Variants in ROBO2 observed in about 807,000 individuals in gnomAD.
The protein encoded by ROBO2 is roundabout guidance receptor 2.
A neutral mutation model predicts 160.8 loss-of-function variants in ROBO2; 53 were observed. The observed-to-expected ratio is 0.33, with a 90% CI of 0.26 to 0.41. ROBO2 has a LOEUF of 0.41. ROBO2 is among the 10% of genes least tolerant of loss of function. The pLI, the probability that ROBO2 is intolerant of heterozygous loss-of-function variation, is 1.00. For synonymous variants in ROBO2, 664 were observed against 611.7 expected, an observed-to-expected ratio of 1.09 and a Z score of -1.26; for missense variants, 1,577 against 1,722.4, an observed-to-expected ratio of 0.92 and a Z score of 1.49.
chr3:76,653,035 G>A (rs2121791), intron 2 of ROBO2, among the ~76,000 whole-genome samples: 66,413 of 151,738 alleles, frequency 0.44, 14,860 homozygotes, highest in South Asian at 0.53. Flanking sequence ...TCATTATTCA[G>A]TAGCCCTATA....
At chr3:76,224,227 A>G (rs573860981) in intron 2 of ROBO2, among the ~76,000 whole-genome samples, 1 of 152,344 alleles carries the variant, frequency 6.6e-6, no homozygotes, top group East Asian at 1.9e-4. Context: ...TATTGGATTG[A>G]TATAACATCT....
chr3:76,129,886 C>A (rs540540916), intron 2 of ROBO2, among the ~76,000 whole-genome samples: 2 of 152,060 alleles, frequency 1.3e-5, no homozygotes, highest in Admixed American at 6.6e-5. Context: ...AACTCTAGAT[C>A]ATTTTGATAT....
intron 1 of ROBO2, among the ~76,000 whole-genome samples, chr3:77,054,278 A>ATAT (rs2065502610): frequency 6.6e-6 from 1 of 152,174 alleles, no homozygotes; most frequent in Admixed American, 6.6e-5. Context: ...TTTGTGTTTT[A>ATAT]GTTCATTTTA....
intron 2 of ROBO2, among the ~76,000 whole-genome samples, chr3:77,110,851 G>A (rs2073485508): frequency 6.6e-6 from 1 of 151,812 alleles, no homozygotes. Context: ...GTGTCACCAA[G>A]CCCAGCCAAT....
intron 2 of ROBO2, among the ~76,000 whole-genome samples, chr3:77,426,608 C>CTGTGTGTGTG (rs9309768): frequency 0.011 from 1,501 of 140,628 alleles, 14 homozygotes; most frequent in Middle Eastern, 0.029. Flanking sequence ...ATGTGTGTGT[C>CTGTGTGTGTG]TGTGTGTGTG....
intron 2 of ROBO2, among the ~76,000 whole-genome samples, chr3:76,453,334 A>G (rs112991655): frequency 0.046 from 7,037 of 152,244 alleles, 493 homozygotes; most frequent in African/African-American, 0.15. Context: ...TCTTTAATCC[A>G]TCTTGAATTA....
intron 2 of ROBO2, among the ~76,000 whole-genome samples, chr3:77,207,052 A>G (rs73099973): frequency 6.7e-4 from 102 of 152,344 alleles, no homozygotes; most frequent in Non-Finnish European, 1.2e-3. Context: ...ACTACAAATA[A>G]AGAATATAGT....
chr3:77,648,063 C>A (rs186950654), exon 26 of ROBO2: 1 of 152,272 alleles, frequency 6.6e-6, no homozygotes, highest in Non-Finnish European at 1.5e-5. Flanking sequence ...CCTTTATCAA[C>A]TTTCTACCAT....
intron 2 of ROBO2, among the ~76,000 whole-genome samples, chr3:77,131,697 A>G (rs2150356131): frequency 6.6e-6 from 1 of 152,266 alleles, no homozygotes; most frequent in Non-Finnish European, 1.5e-5. Context: ...AAAAACCTAT[A>G]CCACATATGA....
intron 2 of ROBO2, among the ~76,000 whole-genome samples, chr3:76,158,226 A>T (rs1460390384): frequency 6.6e-6 from 1 of 151,990 alleles, no homozygotes; most frequent in East Asian, 1.9e-4. Context: ...CCATCTATCA[A>T]ACCAGCTACC....
At chr3:75,947,393 G>A (rs1948350805) in intron 2 of ROBO2, among the ~76,000 whole-genome samples, 1 of 152,032 alleles carries the variant, frequency 6.6e-6, no homozygotes. Flanking sequence ...CTGGCCTGCT[G>A]CCTGTTTTTG....
intron 2 of ROBO2, among the ~76,000 whole-genome samples, chr3:76,802,477 C>G (rs1279633726): frequency 6.6e-6 from 1 of 151,976 alleles, no homozygotes; most frequent in Admixed American, 6.6e-5. Context: ...GCCTGTGATC[C>G]CAGCACTTTG....
At chr3:77,504,954 A>G (rs1241913930) in intron 5 of ROBO2, among the ~76,000 whole-genome samples, 1 of 152,214 alleles carries the variant, frequency 6.6e-6, no homozygotes, top group Non-Finnish European at 1.5e-5. Context: ...GGCTATTTCA[A>G]AAGAACGAAG....
chr3:77,059,742 T>TGA, intron 1 of ROBO2, among the ~76,000 whole-genome samples: 1 of 152,298 alleles, frequency 6.6e-6, no homozygotes, highest in South Asian at 2.1e-4. Flanking sequence ...GGCATAAGCA[T>TGA]CACTCTCTGT....
chr3:77,210,447 T>TA (rs1172294829), intron 2 of ROBO2, among the ~76,000 whole-genome samples: 2 of 152,134 alleles, frequency 1.3e-5, no homozygotes, highest in Non-Finnish European at 2.9e-5. Context: ...CATATAACAA[T>TA]ACAATATACC....
intron 2 of ROBO2, among the ~76,000 whole-genome samples, chr3:76,343,833 T>C (rs1044786936): frequency 1.3e-5 from 2 of 151,990 alleles, no homozygotes; most frequent in African/African-American, 4.8e-5. Flanking sequence ...TCCAAAGATA[T>C]TTGGTGAGGA....
intron 2 of ROBO2, among the ~76,000 whole-genome samples, chr3:77,370,817 G>A (rs374017878): frequency 3.5e-4 from 53 of 152,282 alleles, no homozygotes; most frequent in African/African-American, 1.3e-3. Flanking sequence ...CTACCACAGT[G>A]GAGGTGAGCA....
At chr3:77,449,819 G>A (rs180832608) in intron 2 of ROBO2, among the ~76,000 whole-genome samples, 54 of 152,138 alleles carry the variant, frequency 3.5e-4, no homozygotes, top group African/African-American at 1.2e-3. Context: ...CTCAAAAGGG[G>A]CCATAAGGGA....
At chr3:77,191,502 C>T (rs892984373) in intron 2 of ROBO2, among the ~76,000 whole-genome samples, 3 of 152,136 alleles carry the variant, frequency 2.0e-5, no homozygotes, top group Admixed American at 6.5e-5. Flanking sequence ...AACTTGTATA[C>T]CATCTTGCTT....
Sources: allele counts gnomAD v4.1 joint callset (sites outside exome capture counted in the v4.1 genomes callset), GRCh38; gene constraint gnomAD v4.1.1; transcripts MANE v1.5; gene names NCBI Gene and HGNC (gene_info 2026-07-23, HGNC 2026-07-21).